PCDHA4: variants seen among roughly 807,000 people sequenced by gnomAD.
PCDHA4 encodes the protein protocadherin alpha 4, also known as protocadherin alpha-4.
Under a neutral mutation model 61.4 loss-of-function variants are expected in PCDHA4, and 49 were observed. That is an observed-to-expected ratio of 0.80 (90% confidence interval 0.63 to 1.01). The LOEUF (loss-of-function observed/expected upper bound fraction) is 1.01, where lower values mean the gene tolerates loss of function less well. Among genes scored for constraint, PCDHA4 ranks in the 50% least tolerant of loss-of-function variants. The pLI is 0.00. For missense variants in PCDHA4, 1,254 were observed against 1,235.8 expected, an observed-to-expected ratio of 1.01 and a Z score of -0.22; for synonymous variants, 590 against 550.3, an observed-to-expected ratio of 1.07 and a Z score of -1.01.
At chr5:140,937,402 CACA>C (rs1329840101) in intron 1 of PCDHA4, among the ~76,000 whole-genome samples, 1 of 152,034 alleles carries the variant, frequency 6.6e-6, no homozygotes, top group African/African-American at 2.4e-5. Flanking sequence ...AGGGGTATTG[CACA>C]ACTTTTATTA....
At chr5:140,924,901 AAAAATAAAAT>A (rs10667761) in intron 1 of PCDHA4, among the ~76,000 whole-genome samples, 1,500 of 80,408 alleles carry the variant, frequency 0.019, 14 homozygotes, top group African/African-American at 0.052. Context: ...TCTCAAAAAA[AAAAATAAAAT>A]AAAATAAAAT....
At position 140,850,458 on chromosome 5, in the gene PCDHA4, G is replaced by T. The variant is rs150924900; in HGVS notation, c.2385+40886G>T. 34 of 1,597,834 alleles carry T rather than the reference G, an allele frequency of 2.1e-5. 2 individuals carry two copies. In the African/African-American group the frequency reaches 4.4e-4, roughly 21 times the overall value. On this transcript the variant is annotated intron_variant, in intron 1 of 3. Transcript: ENST00000530339. ...CCTACTGGTGCTGGTGAAAGACCAC[G>T]GGGAGCCAGCGCTGACGGCCACGGC...
intron 1 of PCDHA4, chr5:140,871,538 A>G: frequency 6.6e-7 from 1 of 1,507,314 alleles, no homozygotes; most frequent in Non-Finnish European, 8.9e-7. Context: ...TGTATGTGAA[A>G]TTATTTAAAA....
At chr5:140,929,213 A>G (rs199608631) in intron 1 of PCDHA4, 6 of 1,613,934 alleles carry the variant, frequency 3.7e-6, no homozygotes, top group Admixed American at 1.7e-5. Context: ...TTGCGTGGGG[A>G]GTACAATGCT....
In PCDHA4 at chr5:140,808,292, A is replaced by C. The variant is rs1764139529; in HGVS notation, c.1105A>C (p.Ile369Leu). 1 of 1,614,270 alleles carries C rather than the reference A, an allele frequency of 6.2e-7. No individual in the cohort carries two copies. The highest frequency in any genetic ancestry group is 1.1e-5 in the South Asian group (1 of 91,092). The change falls in exon 1 of 4, where the codon ATC (isoleucine) becomes CTC (leucine). Residue 369 changes from isoleucine to leucine, a missense_variant. By Grantham distance (5) the Ile-to-Leu change is conservative. Coordinates refer to ENST00000530339, the MANE Select transcript of PCDHA4 (RefSeq NM_018907.4). ...AGAGGACGCTCCACTGGGTACAGTC[A>C]TCGCCCTGATCAGCGTGTCCGACAA... ...IREDAPLGTV[I>L]ALISVSDKDM...
intron 1 of PCDHA4, among the ~76,000 whole-genome samples, chr5:140,886,847 A>AT (rs2061191950): frequency 6.6e-6 from 1 of 151,038 alleles, no homozygotes; most frequent in Non-Finnish European, 1.5e-5. Flanking sequence ...AAAAAAAAAA[A>AT]GAAAGGTCTT....
chr5:140,896,485 C>G (rs1259028670), intron 1 of PCDHA4, among the ~76,000 whole-genome samples: 1 of 152,032 alleles, frequency 6.6e-6, no homozygotes, highest in Non-Finnish European at 1.5e-5. Context: ...GCCTCAGCCT[C>G]CTGAGTAGCT....
At chr5:140,836,920 G>T in intron 1 of PCDHA4, 1 of 542,350 alleles carries the variant, frequency 1.8e-6, no homozygotes. Context: ...TTTTGTTTTG[G>T]GATGCGTAAT....
intron 1 of PCDHA4, chr5:140,822,076 T>A: frequency 1.2e-6 from 2 of 1,614,048 alleles, no homozygotes; most frequent in Non-Finnish European, 1.7e-6. Flanking sequence ...GAGGGCGGAG[T>A]GCAGCATCCA....
rs570631397 is a variant in PCDHA4, at chr5:140,879,658, A to G, written c.2385+70086A>G. Among the ~76,000 whole-genome samples the G allele has an allele frequency of 1.1e-4, 16 of 152,350 alleles. No homozygotes were observed. The South Asian group carries it at 3.1e-3, about 30-fold the overall frequency. ...TCGCTTCCTGTGGCTGCTATAACAA[A>G]CGAACACAAACTGGGTGCTGTAAAA... On this transcript the variant is annotated intron_variant, in intron 1 of 3. Transcript: ENST00000530339.
chr5:140,809,371 C>G lies in PCDHA4; in HGVS notation c.2184C>G (p.Thr728=), dbSNP rs781936039. The G allele has an allele frequency of 9.3e-6, 15 of 1,613,986 alleles. No individual in the cohort carries two copies. Among genetic ancestry groups the G allele is most frequent in the Non-Finnish European group, 1.3e-5 (15 of 1,179,918 alleles). Reference sequence around the variant, plus strand: ...CGCTGCGGTGCTCTGCGCTGCCCACCGAGGGCGCGTGCGCTCCGGGCAAGC... The same window carrying G: ...CGCTGCGGTGCTCTGCGCTGCCCACGGAGGGCGCGTGCGCTCCGGGCAAGC... The part of the protein sequence containing the change: ...YTALRCSALP[T]EGACAPGKPT... The change falls in exon 1 of 4, where the codon ACC becomes ACG. Residue 728 remains threonine, a synonymous_variant. Transcript: ENST00000530339.
intron 2 of PCDHA4, among the ~76,000 whole-genome samples, chr5:140,980,838 A>G (rs141603230): frequency 5.3e-5 from 8 of 152,320 alleles, no homozygotes; most frequent in African/African-American, 1.4e-4. Flanking sequence ...GTGAACCTAA[A>G]TAATACTAAT....
At chr5:141,009,173 G>A (rs1486905042) in intron 3 of PCDHA4, among the ~76,000 whole-genome samples, 3 of 152,204 alleles carry the variant, frequency 2.0e-5, no homozygotes, top group African/African-American at 7.2e-5. Flanking sequence ...TACTGGCCTT[G>A]GCTGGGTGTG....
At chr5:140,871,273 G>T in intron 1 of PCDHA4, 3 of 1,613,916 alleles carry the variant, frequency 1.9e-6, no homozygotes, top group Non-Finnish European at 2.5e-6. Flanking sequence ...GTGGTGGTCG[G>T]CAACGCCCAC....
At chr5:140,944,134 A>G (rs890508296) in intron 1 of PCDHA4, among the ~76,000 whole-genome samples, 1 of 152,122 alleles carries the variant, frequency 6.6e-6, no homozygotes, top group East Asian at 1.9e-4. Context: ...GAAAAGGTTG[A>G]AGATTAGAAG....
chr5:140,858,100 C>T lies in PCDHA4; in HGVS notation c.2385+48528C>T, dbSNP rs368579908. ...AGGCCTCGTCGCGGGCTTCAGTGGG[C>T]GTGGCGCCCGAGGTGGCCCTGGTGG... On this transcript the variant is annotated intron_variant, in intron 1 of 3. Coordinates refer to ENST00000530339, the MANE Select transcript of PCDHA4 (RefSeq NM_018907.4). 202 of 1,597,586 alleles carry T rather than the reference C, an allele frequency of 1.3e-4. 22 individuals are homozygous for T. The highest frequency in any genetic ancestry group is 1.7e-4 in the Non-Finnish European group (196 of 1,167,684).
At chr5:140,903,313 C>G (rs974760383) in intron 1 of PCDHA4, among the ~76,000 whole-genome samples, 2 of 152,088 alleles carry the variant, frequency 1.3e-5, no homozygotes, top group South Asian at 4.1e-4. Context: ...ACAATAAAGA[C>G]AGCATTTTTA....
Position 140,808,972 on chromosome 5 carries a change from C to T in PCDHA4, c.1785C>T (p.Arg595=). 1 of 1,613,608 alleles carries T rather than the reference C, an allele frequency of 6.2e-7. No individual in the cohort carries two copies. The highest frequency in any genetic ancestry group is 1.7e-5 in the Admixed American group (1 of 59,982). ...VGVGHVVAKV[R]AVDADSGYNA... ...TGGGCCACGTGGTGGCAAAGGTGCGCGCGGTGGATGCTGACTCGGGCTACA... is the reference window on the plus strand; with the variant it reads ...TGGGCCACGTGGTGGCAAAGGTGCGTGCGGTGGATGCTGACTCGGGCTACA... Residue 595 remains arginine (R), a synonymous_variant, in exon 1 of 4, where the codon CGC becomes CGT. Transcript: ENST00000530339.
chr5:140,841,888 T>G, intron 1 of PCDHA4: 1 of 1,613,782 alleles, frequency 6.2e-7, no homozygotes, highest in East Asian at 2.2e-5. Context: ...ACGATGAGAA[T>G]AAACTGGTTG....
Sources: allele counts gnomAD v4.1 joint callset (sites outside exome capture counted in the v4.1 genomes callset), GRCh38; gene constraint gnomAD v4.1.1; transcripts MANE v1.5; gene names NCBI Gene and HGNC (gene_info 2026-07-23, HGNC 2026-07-21).